The following ENAH variants were observed in gnomAD, a reference collection of about 807,000 sequenced individuals.
ENAH encodes the protein protein enabled homolog.
ENAH carries 23 observed loss-of-function variants against 78.7 expected under a neutral mutation model. The observed-to-expected ratio is 0.29, with a 90% CI of 0.21 to 0.41. The LOEUF (loss-of-function observed/expected upper bound fraction) is 0.41, where lower values mean the gene tolerates loss of function less well. ENAH is among the 10% of genes least tolerant of loss of function. ENAH has a pLI of 1.00. For missense variants in ENAH, 544 were observed against 691.0 expected (o/e 0.79, Z 2.39); for synonymous variants, 226 against 241.0 (o/e 0.94, Z 0.58).
intron 1 of ENAH, among the ~76,000 whole-genome samples, chr1:225,647,900 A>C (rs565195822): frequency 6.6e-6 from 1 of 152,348 alleles, no homozygotes; most frequent in East Asian, 1.9e-4. Flanking sequence ...TCTTCAAGGA[A>C]CTTACAATGA....
At chr1:225,646,198 T>C (rs564729934) in intron 1 of ENAH, among the ~76,000 whole-genome samples, 2 of 152,040 alleles carry the variant, frequency 1.3e-5, no homozygotes, top group African/African-American at 2.4e-5. Flanking sequence ...TCTTCTGCTA[T>C]AGACTGAACT....
rs1558840614 is a variant in ENAH, at chr1:225,574,620, G to GACTGT, written c.6-7207_6-7206insACAGT. On this transcript the variant is annotated intron_variant, in intron 1 of 13. Transcript: ENST00000366843. ...CTGTCTCCAAAATATATAAAAAAAA[G>GACTGT]GCCGGGCGCGGTGGCTCACGCCTGT... Among the ~76,000 whole-genome samples the GACTGT allele has an allele frequency of 3.8e-4, 3 of 7,974 alleles. 1 individual carries two copies. The highest frequency in any genetic ancestry group is 1.9e-3 in the African/African-American group (3 of 1,542). The allele number at this position is 7,974 out of a possible 152,430, so 5.2% of individuals were successfully genotyped here. A position where few individuals can be genotyped will look rare whatever the true frequency, so the allele number is the denominator to read the frequency against.
Position 225,512,720 on chromosome 1 carries a change from A to T in ENAH, c.1365-6T>A. On this transcript the variant is annotated splice_region_variant and splice_polypyrimidine_tract_variant and intron_variant, in intron 8 of 13. Coordinates refer to ENST00000366843, the MANE Select transcript of ENAH (RefSeq NM_018212.6). ...CCTTTTCAGCAATTCTTCTCCTACAAAGAAGGCAAATCCGATTTTTAAAAA... is the reference window on the plus strand; with the variant it reads ...CCTTTTCAGCAATTCTTCTCCTACATAGAAGGCAAATCCGATTTTTAAAAA... The T allele has an allele frequency of 6.2e-7, 1 of 1,613,216 alleles. No homozygotes were observed. Among genetic ancestry groups the T allele is most frequent in the South Asian group, 1.1e-5 (1 of 90,796 alleles).
intron 12 of ENAH, among the ~76,000 whole-genome samples, chr1:225,499,388 T>G (rs2096269431): frequency 1.3e-5 from 2 of 152,184 alleles, no homozygotes; most frequent in Admixed American, 1.3e-4. Flanking sequence ...AACTGCAGAT[T>G]TGGCCAGGTG....
intron 4 of ENAH, among the ~76,000 whole-genome samples, chr1:225,524,322 T>TAA (rs1158622671): frequency 2.0e-5 from 3 of 152,188 alleles, no homozygotes; most frequent in Non-Finnish European, 4.4e-5. Context: ...CACCCAGCTT[T>TAA]ACCTATAATG....
chr1:225,586,335 AG>A (rs1045114763), intron 1 of ENAH, among the ~76,000 whole-genome samples: 11 of 151,824 alleles, frequency 7.2e-5, no homozygotes, highest in Non-Finnish European at 1.3e-4. Context: ...TAGAGGGAAA[AG>A]GAAGAAAGAA....
intron 2 of ENAH, among the ~76,000 whole-genome samples, chr1:225,559,163 T>C (rs971579243): frequency 6.6e-6 from 1 of 152,222 alleles, no homozygotes; most frequent in Non-Finnish European, 1.5e-5. Flanking sequence ...GCTCAACCAA[T>C]TTTTCTTATT....
In ENAH at chr1:225,491,963, T is replaced by A. The variant is rs1015429406; in HGVS notation, c.*5812A>T. The stretch of plus-strand genomic sequence containing the variant: ...GTTAAATCAGATTTACATGATAAAC[T>A]ATGGGTTGTCATTTGTATATAGAAC... On this transcript the variant is annotated 3_prime_UTR_variant, in exon 14 of 14. Coordinates refer to ENST00000366843, the MANE Select transcript of ENAH (RefSeq NM_018212.6). 1.3e-5 allele frequency: 2 copies of A among 152,220 alleles called. No individual in the cohort carries two copies. Among genetic ancestry groups the A allele is most frequent in the African/African-American group, 4.8e-5 (2 of 41,452 alleles). The allele number at this position is 152,220 out of a possible 1,614,324, so 9.4% of individuals were successfully genotyped here.
chr1:225,567,079 A>G (rs987554812), intron 2 of ENAH, among the ~76,000 whole-genome samples, 170 bp downstream of exon 2: 1 of 152,222 alleles, frequency 6.6e-6, no homozygotes, highest in Non-Finnish European at 1.5e-5. Context: ...TCTTCGTTTA[A>G]GTTCAGGCTT....
At chr1:225,574,929 T>A (rs1402327058) in intron 1 of ENAH, among the ~76,000 whole-genome samples, 11 of 54,568 alleles carry the variant, frequency 2.0e-4, no homozygotes, top group African/African-American at 3.7e-4. Flanking sequence ...AATATATATA[T>A]ATAAAAAAAA....
In ENAH at chr1:225,491,099, G is replaced by A. The variant is rs932091039; in HGVS notation, c.*6676C>T. 4.6e-5 allele frequency: 7 copies of A among 152,212 alleles called. No individual in the cohort carries two copies. Among genetic ancestry groups the A allele is most frequent in the Admixed American group, 1.3e-4 (2 of 15,278 alleles). The allele number at this position is 152,212 out of a possible 1,614,324, so 9.4% of individuals were successfully genotyped here. Reference sequence around the variant, plus strand: ...AAGTGACACCTGAGATCAACTGGTAGTAATAATGAAAAGCTGGTATTTCTC... The same window carrying A: ...AAGTGACACCTGAGATCAACTGGTAATAATAATGAAAAGCTGGTATTTCTC... On this transcript the variant is annotated 3_prime_UTR_variant, in exon 14 of 14. Coordinates refer to ENST00000366843, the MANE Select transcript of ENAH (RefSeq NM_018212.6).
At chr1:225,613,934 ACCTGTGCTTCTGG>A (rs1434735019) in intron 1 of ENAH, among the ~76,000 whole-genome samples, 1 of 152,142 alleles carries the variant, frequency 6.6e-6, no homozygotes, top group Admixed American at 6.5e-5. Context: ...CCAGGTTGTG[ACCTGTGCTTCTGG>A]CCCAATAGCT....
chr1:225,600,211 C>A (rs1393995185), intron 1 of ENAH, among the ~76,000 whole-genome samples: 1 of 152,282 alleles, frequency 6.6e-6, no homozygotes, highest in Non-Finnish European at 1.5e-5. Context: ...GACTTACTCT[C>A]AAATGGTGCA....
At chr1:225,582,911 A>G (rs894492433) in intron 1 of ENAH, among the ~76,000 whole-genome samples, 1 of 152,224 alleles carries the variant, frequency 6.6e-6, no homozygotes, top group Non-Finnish European at 1.5e-5. Flanking sequence ...ACAAGTAGGT[A>G]TATCACAGTT....
At chr1:225,543,608 A>G (rs907547906) in intron 3 of ENAH, among the ~76,000 whole-genome samples, 1 of 152,188 alleles carries the variant, frequency 6.6e-6, no homozygotes, top group African/African-American at 2.4e-5. Flanking sequence ...GATATTTTTG[A>G]CCATGACTTA....
intron 4 of ENAH, among the ~76,000 whole-genome samples, chr1:225,523,462 T>G (rs572685164): frequency 6.6e-6 from 1 of 151,946 alleles, no homozygotes; most frequent in Non-Finnish European, 1.5e-5. Context: ...TCTACTGATA[T>G]AGGAAAAGGA....
intron 4 of ENAH, among the ~76,000 whole-genome samples, chr1:225,522,993 C>G (rs541860517): frequency 6.6e-6 from 1 of 151,936 alleles, no homozygotes; most frequent in African/African-American, 2.4e-5. Flanking sequence ...CTGCCTCAAC[C>G]CTCCCACCCG....
chr1:225,517,081 G>T (rs902434496), intron 6 of ENAH, 115 bp downstream of exon 6: 2 of 748,436 alleles, frequency 2.7e-6, no homozygotes, highest in Non-Finnish European at 4.0e-6. Context: ...TGGCATTATG[G>T]CATATAAATG....
chr1:225,524,679 GTTCCAA>G, intron 4 of ENAH: 6 of 103,412 alleles, frequency 5.8e-5, no homozygotes, highest in Non-Finnish European at 1.0e-4. Context: ...TTCCAACATT[GTTCCAA>G]CTGCTCAGTT....
Sources: gnomAD v4.1 joint callset for allele counts (sites outside exome capture counted in the v4.1 genomes callset) on GRCh38, gnomAD v4.1.1 for gene constraint, MANE v1.5 for transcripts, NCBI Gene and HGNC (gene_info 2026-07-23, HGNC 2026-07-21) for gene names.